NETO1: variants seen among roughly 807,000 people sequenced by gnomAD.
NETO1 encodes the protein neuropilin and tolloid like 1, also known as neuropilin and tolloid-like protein 1.
Under a neutral mutation model 61.3 loss-of-function variants are expected in NETO1, and 26 were observed. The observed-to-expected ratio is 0.42, with a 90% CI of 0.31 to 0.59. The LOEUF (loss-of-function observed/expected upper bound fraction) is 0.59, where lower values mean the gene tolerates loss of function less well. Ranked by LOEUF, NETO1 falls within the 20% of genes least tolerant of loss-of-function variation. The probability of loss-of-function intolerance (pLI) is 0.12; values close to 1 mark genes in which losing one functional copy is unlikely to be tolerated. For synonymous variants in NETO1, 225 were observed against 225.8 expected (o/e 1.00, Z 0.03); for missense variants, 531 against 662.8 (o/e 0.80, Z 2.18).
intron 4 of NETO1, among the ~76,000 whole-genome samples, chr18:72,813,151 C>T (rs968211133): frequency 2.6e-5 from 4 of 152,132 alleles, no homozygotes; most frequent in Admixed American, 6.6e-5. Flanking sequence ...GGGACGATGC[C>T]TTGCTGTTGA....
At chr18:72,765,696 C>T (rs11662340) in intron 7 of NETO1, among the ~76,000 whole-genome samples, 45,432 of 151,878 alleles carry the variant, frequency 0.3, 7,993 homozygotes, top group South Asian at 0.41. Context: ...AGGTTACAGG[C>T]GTGAGCCACA....
At chr18:72,748,428 G>T in intron 10 of NETO1, 1 of 318,564 alleles carries the variant, frequency 3.1e-6, no homozygotes, top group Non-Finnish European at 4.5e-6. Flanking sequence ...AGACAACTGG[G>T]ATTAATGAAA....
At chr18:72,843,421 G>A (rs2073993236) in intron 4 of NETO1, among the ~76,000 whole-genome samples, 1 of 152,080 alleles carries the variant, frequency 6.6e-6, no homozygotes, top group Non-Finnish European at 1.5e-5. Flanking sequence ...AATCTTGCAG[G>A]ACATCTGAAA....
intron 3 of NETO1, among the ~76,000 whole-genome samples, chr18:72,860,379 C>T (rs2074534609): frequency 6.6e-6 from 1 of 152,188 alleles, no homozygotes; most frequent in Admixed American, 6.5e-5. Flanking sequence ...CACGGAACAT[C>T]ATCCATGATG....
intron 4 of NETO1, among the ~76,000 whole-genome samples, chr18:72,802,908 T>G (rs1410868169): frequency 6.6e-6 from 1 of 152,240 alleles, no homozygotes; most frequent in East Asian, 1.9e-4. Context: ...AGAGGAAATG[T>G]TAAGTACAGA....
chr18:72,833,710 A>G (rs1343631399), intron 4 of NETO1, among the ~76,000 whole-genome samples: 2 of 152,128 alleles, frequency 1.3e-5, no homozygotes, highest in South Asian at 2.1e-4. Context: ...TGACTCAGGG[A>G]TGGCATGGAA....
rs558131201 is a variant in NETO1 at position 72,841,324 on chromosome 18, GAGA to G, written c.469+17499_469+17501del. 4.4e-3 allele frequency among the ~76,000 whole-genome samples: 665 copies of G among 152,198 alleles called. 2 individuals carry two copies. Among genetic ancestry groups the G allele is most frequent in the South Asian group, 0.011 (51 of 4,822 alleles). On this transcript the variant is annotated intron_variant, in intron 4 of 10. Transcript: ENST00000327305. Reference sequence around the variant, plus strand: ...CAGTCTATAAACAGGTCCACGGTGAGAGAAGAAGCTGCACAGGATCCTTTCGAA... The same window carrying G: ...CAGTCTATAAACAGGTCCACGGTGAGAGAAGCTGCACAGGATCCTTTCGAA...
rs531615525 is a variant in NETO1 at position 72,777,582 on chromosome 18, A to G, written c.868+6096T>C. ...GTTGAAACCCCGTCTCCACTAAAAAATACAAAAAAAATTAGCAGGGCGTGG... is the reference window on the plus strand; with the variant it reads ...GTTGAAACCCCGTCTCCACTAAAAAGTACAAAAAAAATTAGCAGGGCGTGG... On this transcript the variant is annotated intron_variant, in intron 7 of 10. Transcript: ENST00000327305. Among the ~76,000 whole-genome samples the G allele has an allele frequency of 1.0e-3, 65 of 63,730 alleles. 2 individuals are homozygous for G. In the East Asian group the frequency reaches 0.026, roughly 25 times the overall value. 41.8% of individuals were successfully genotyped at this position (63,730 alleles called of 152,430 possible). A position where few individuals can be genotyped will look rare whatever the true frequency, so the allele number is the denominator to read the frequency against.
intron 7 of NETO1, among the ~76,000 whole-genome samples, chr18:72,781,051 A>C (rs1007042623): frequency 6.6e-6 from 1 of 152,208 alleles, no homozygotes; most frequent in East Asian, 1.9e-4. Flanking sequence ...TTTGAATGAA[A>C]TAAGACCACA....
chr18:72,843,284 A>G (rs1049499478), intron 4 of NETO1, among the ~76,000 whole-genome samples: 1 of 152,168 alleles, frequency 6.6e-6, no homozygotes, highest in Admixed American at 6.5e-5. Flanking sequence ...TAGCAGAGAG[A>G]ATCAAACAAC....
chr18:72,859,707 A>T (rs1048881957), intron 3 of NETO1, among the ~76,000 whole-genome samples: 1 of 152,140 alleles, frequency 6.6e-6, no homozygotes, highest in Non-Finnish European at 1.5e-5. Flanking sequence ...AGCTCAGACC[A>T]CTTCAGACAT....
At chr18:72,852,269 C>T (rs2074273347) in intron 4 of NETO1, among the ~76,000 whole-genome samples, 1 of 152,192 alleles carries the variant, frequency 6.6e-6, no homozygotes, top group Admixed American at 6.5e-5. Context: ...GGCTGGAGTG[C>T]AATGGCATGA....
intron 7 of NETO1, among the ~76,000 whole-genome samples, chr18:72,771,098 C>T (rs1294725484): frequency 6.6e-6 from 1 of 152,010 alleles, no homozygotes; most frequent in Non-Finnish European, 1.5e-5. Context: ...AATTTAGTTA[C>T]TGAGATTATA....
intron 10 of NETO1, 111 bp downstream of exon 10, chr18:72,748,903 C>T: frequency 1.3e-6 from 1 of 742,210 alleles, no homozygotes; most frequent in Admixed American, 2.2e-5. Flanking sequence ...TCATGAAACA[C>T]ATATCTCAAG....
intron 4 of NETO1, among the ~76,000 whole-genome samples, chr18:72,823,783 C>T (rs1301801888): frequency 6.6e-6 from 1 of 152,186 alleles, no homozygotes; most frequent in East Asian, 1.9e-4. Context: ...TCGAGCTTCA[C>T]TGGAACATAT....
intron 4 of NETO1, among the ~76,000 whole-genome samples, chr18:72,827,074 C>T (rs2099826014): frequency 7.1e-6 from 1 of 140,020 alleles, no homozygotes; most frequent in Non-Finnish European, 1.5e-5. Context: ...AACCGCCCAG[C>T]CATATTCAAT....
chr18:72,785,043 A>G (rs1411771115), intron 6 of NETO1, among the ~76,000 whole-genome samples: 1 of 152,218 alleles, frequency 6.6e-6, no homozygotes, highest in Non-Finnish European at 1.5e-5. Flanking sequence ...ATAAAGACAC[A>G]TCTTTCATAC....
intron 4 of NETO1, among the ~76,000 whole-genome samples, chr18:72,839,442 A>C (rs1016125194): frequency 1.3e-5 from 2 of 152,228 alleles, no homozygotes; most frequent in African/African-American, 4.8e-5. Context: ...ACAATTTTAC[A>C]ATTTTAAAAC....
rs2070399770 is a variant in NETO1, at chr18:72,744,968, G to C, written c.*3211C>G. 6.6e-6 allele frequency: 1 copy of C among 152,124 alleles called. No individual in the cohort carries two copies. The highest frequency in any genetic ancestry group is 2.4e-5 in the African/African-American group (1 of 41,432). The allele number at this position is 152,124 out of a possible 1,614,324, so 9.4% of individuals were successfully genotyped here. On this transcript the variant is annotated 3_prime_UTR_variant, in exon 11 of 11. Coordinates refer to ENST00000327305, the MANE Select transcript of NETO1 (RefSeq NM_138966.5). ...AAAAAAATGATACAGAAGCTTAAGT[G>C]AATATTAAAGTAATGCCAACCGTCT...
Sources: allele counts gnomAD v4.1 joint callset (sites outside exome capture counted in the v4.1 genomes callset), GRCh38; gene constraint gnomAD v4.1.1; transcripts MANE v1.5; gene names NCBI Gene and HGNC (gene_info 2026-07-23, HGNC 2026-07-21).